The following PCDHGA1 variants were observed in gnomAD, a reference collection of about 807,000 sequenced individuals.
PCDHGA1 encodes protocadherin gamma subfamily A, 1.
A neutral mutation model predicts 58.0 loss-of-function variants in PCDHGA1; 32 were observed. The observed-to-expected ratio is 0.55, with a 90% CI of 0.42 to 0.74. The LOEUF (loss-of-function observed/expected upper bound fraction) is 0.74, where lower values mean the gene tolerates loss of function less well. Among genes scored for constraint, PCDHGA1 ranks in the 30% least tolerant of loss-of-function variants. PCDHGA1 has a pLI of 0.00. For missense variants in PCDHGA1, 1,205 were observed against 1,182.3 expected (o/e 1.02, Z -0.28); for synonymous variants, 498 against 501.1 (o/e 0.99, Z 0.08).
intron 1 of PCDHGA1, chr5:141,384,775 G>T (rs1392115505): frequency 1.9e-6 from 3 of 1,613,792 alleles, no homozygotes; most frequent in African/African-American, 1.3e-5. Context: ...CACGGGCGAG[G>T]TGCGCACGGC....
chr5:141,469,394 G>A lies in PCDHGA1; in HGVS notation c.2422-25413G>A, dbSNP rs550152670. Among the ~76,000 whole-genome samples the A allele has an allele frequency of 2.5e-4, 38 of 152,198 alleles. 1 individual carries two copies. The highest frequency in any genetic ancestry group is 8.4e-4 in the African/African-American group (35 of 41,514). On this transcript the variant is annotated intron_variant, in intron 1 of 3. Coordinates refer to ENST00000517417, the MANE Select transcript of PCDHGA1 (RefSeq NM_018912.3). ...GATCGAGACCATCCTGGCCAACATG[G>A]TGAAACCCCGTTTCTACTAAAAATA...
intron 3 of PCDHGA1, 57 bp from the exon 4 acceptor site, chr5:141,510,890 A>G (rs1434557860): frequency 1.2e-5 from 20 of 1,612,748 alleles, no homozygotes; most frequent in South Asian, 3.3e-5. Context: ...GATATAAGAC[A>G]GTGACTGTTG....
rs375589575 is a variant in PCDHGA1 at position 141,332,348 on chromosome 5, A to G, written c.1664A>G (p.Gln555Arg). Reference sequence around the variant, plus strand: ...TCTCTCAGCCTATTCCTGCTGGACCAGAACGACAACGCGCCCGAGATCCTG... The same window carrying G: ...TCTCTCAGCCTATTCCTGCTGGACCGGAACGACAACGCGCCCGAGATCCTG... ...NVSLSLFLLDQNDNAPEILYP... is the reference protein window; with the variant it reads ...NVSLSLFLLDRNDNAPEILYP... The change falls in exon 1 of 4, where the codon CAG (glutamine) becomes CGG (arginine). Residue 555 changes from glutamine (Q) to arginine (R), a missense_variant. Gln to Arg is a conservative substitution (Grantham distance 43). Transcript: ENST00000517417. This position sits in a 1 kb window ranked among gnomAD's most constrained non-coding sequence, Gnocchi z 4.6. 1.8e-4 allele frequency: 291 copies of G among 1,614,212 alleles called. 4 individuals are homozygous for G. The South Asian group carries it at 3.0e-3, about 17-fold the overall frequency.
chr5:141,488,985 C>G lies in PCDHGA1; in HGVS notation c.2422-5822C>G, dbSNP rs574857958. On this transcript the variant is annotated intron_variant, in intron 1 of 3. Transcript: ENST00000517417. ...ACTTTTTGGCCAATCAGACTCAGAG[C>G]TGAGGTGGGAGATCTGCTCTTCCAG... The G allele has an allele frequency of 7.4e-6, 3 of 405,188 alleles. No homozygotes were observed. In the South Asian group the frequency reaches 2.4e-4, roughly 32 times the overall value. The allele number at this position is 405,188 out of a possible 1,614,324, so 25.1% of individuals were successfully genotyped here.
Position 141,485,210 on chromosome 5 carries a change from C to T in PCDHGA1, c.2422-9597C>T, listed in dbSNP as rs2099609472. 1.2e-6 allele frequency: 2 copies of T among 1,614,058 alleles called. No individual in the cohort carries two copies. The highest frequency in any genetic ancestry group is 1.3e-5 in the African/African-American group (1 of 75,046). ...GGTGAGAAGCTGGACAGAAATCTGG[C>T]GGTGGGCTACCCTTTTGTTCCTCTT... On this transcript the variant is annotated intron_variant, in intron 1 of 3. Coordinates refer to ENST00000517417, the MANE Select transcript of PCDHGA1 (RefSeq NM_018912.3). The surrounding 1 kb of genome is among the most constrained non-coding windows in gnomAD (Gnocchi z 5.7).
chr5:141,395,435 T>A, intron 1 of PCDHGA1: 1 of 680,384 alleles, frequency 1.5e-6, no homozygotes, highest in Non-Finnish European at 2.3e-6. Context: ...TTTAAACGAC[T>A]TGGAAAAGAT....
At chr5:141,389,751 G>A (rs755499740) in intron 1 of PCDHGA1, 1 of 1,612,800 alleles carries the variant, frequency 6.2e-7, no homozygotes, top group Non-Finnish European at 8.5e-7. Flanking sequence ...GCGCACGGGC[G>A]AAGTGCGCAC....
intron 1 of PCDHGA1, chr5:141,390,623 T>C (rs2092193421): frequency 3.8e-6 from 1 of 264,274 alleles, no homozygotes; most frequent in African/African-American, 2.3e-5. Flanking sequence ...TGTTGACTAA[T>C]ATATGATGAA....
chr5:141,395,181 T>C (rs758854683), intron 1 of PCDHGA1: 3 of 1,614,030 alleles, frequency 1.9e-6, no homozygotes, highest in Non-Finnish European at 2.5e-6. Context: ...GAAAAATGAT[T>C]CTTTGTTAAC....
In PCDHGA1 at chr5:141,415,739, G is replaced by GTTT. The variant is rs1561759437; in HGVS notation, c.2422-79068_2422-79067insTTT. 6 of 435,150 alleles carry GTTT rather than the reference G, an allele frequency of 1.4e-5. No individual in the cohort carries two copies. The African/African-American group carries it at 1.6e-4, about 12-fold the overall frequency. 27.0% of individuals were successfully genotyped at this position (435,150 alleles called of 1,614,324 possible). ...ATGAGTAGAATTTGATGTTTATTAAGGTTTTTTTTTTTTTTTTTTTTTTTT... is the reference window on the plus strand; with the variant it reads ...ATGAGTAGAATTTGATGTTTATTAAGTTTGTTTTTTTTTTTTTTTTTTTTTTTT... On this transcript the variant is annotated intron_variant, in intron 1 of 3. Transcript: ENST00000517417.
At chr5:141,387,320 A>C (rs1461293740) in intron 1 of PCDHGA1, among the ~76,000 whole-genome samples, 1 of 152,234 alleles carries the variant, frequency 6.6e-6, no homozygotes, top group East Asian at 1.9e-4. Flanking sequence ...ATGAGTAAGT[A>C]TGGAAAATTA....
In PCDHGA1 at chr5:141,388,120, C is replaced by G. The variant is rs945677635; in HGVS notation, c.2421+55015C>G. The G allele has an allele frequency of 2.8e-6, 4 of 1,422,500 alleles. No homozygotes were observed. The African/African-American group carries it at 5.8e-5, about 20-fold the overall frequency. 88.1% of individuals were successfully genotyped at this position (1,422,500 alleles called of 1,614,324 possible). On this transcript the variant is annotated intron_variant, in intron 1 of 3. Coordinates refer to ENST00000517417, the MANE Select transcript of PCDHGA1 (RefSeq NM_018912.3). ...GAGAAGCCTTACTTCACCGTGAGCG[C>G]AGAGAGCGGGGAGTTGCTTGTGAGC...
intron 1 of PCDHGA1, among the ~76,000 whole-genome samples, chr5:141,473,946 G>A (rs1399816546): frequency 6.6e-6 from 1 of 152,170 alleles, no homozygotes; most frequent in African/African-American, 2.4e-5. Context: ...GCTCAGGCCT[G>A]TAGTCCCATC....
intron 1 of PCDHGA1, chr5:141,442,367 T>C (rs1304138950): frequency 6.6e-6 from 1 of 152,282 alleles, no homozygotes; most frequent in Non-Finnish European, 1.5e-5. Flanking sequence ...TATGATGCCA[T>C]ATTCCTACCA....
Position 141,489,276 on chromosome 5 carries a change from A to G in PCDHGA1, c.2422-5531A>G. 6.4e-7 allele frequency: 1 copy of G among 1,556,122 alleles called. No homozygotes were observed. Among genetic ancestry groups the G allele is most frequent in the Non-Finnish European group, 8.7e-7 (1 of 1,151,562 alleles). On this transcript the variant is annotated intron_variant, in intron 1 of 3. Coordinates refer to ENST00000517417, the MANE Select transcript of PCDHGA1 (RefSeq NM_018912.3). The surrounding 1 kb of genome is among the most constrained non-coding windows in gnomAD (Gnocchi z 4.5). ...AGACACTCCCACAGCTCGCTGGGAA[A>G]TGGCAAGTGCTGTGCATGTTGTCCT...
chr5:141,355,111 C>T, intron 1 of PCDHGA1: 1 of 1,508,846 alleles, frequency 6.6e-7, no homozygotes, highest in Non-Finnish European at 8.8e-7. Flanking sequence ...GCTGTGAATG[C>T]ACTTTATTTT....
intron 1 of PCDHGA1, chr5:141,390,890 G>C (rs1043821773): frequency 5.2e-5 from 8 of 152,592 alleles, no homozygotes; most frequent in African/African-American, 1.9e-4. Flanking sequence ...GTGTGTGTGA[G>C]AGAGATCCTT....
chr5:141,362,335 A>C (rs371396469), intron 1 of PCDHGA1: 1 of 1,613,940 alleles, frequency 6.2e-7, no homozygotes, highest in Non-Finnish European at 8.5e-7. Context: ...TCTCAGCTCC[A>C]AGCCTGGACC....
At chr5:141,370,379 A>G in intron 1 of PCDHGA1, 2 of 1,529,484 alleles carry the variant, frequency 1.3e-6, no homozygotes, top group Non-Finnish European at 1.8e-6. Flanking sequence ...AGAAAGGCAA[A>G]GGCGCAGAGA....
Sources: allele counts gnomAD v4.1 joint callset (sites outside exome capture counted in the v4.1 genomes callset), GRCh38; gene constraint gnomAD v4.1.1; non-coding constraint Gnocchi (gnomAD v3.1); transcripts MANE v1.5; gene names NCBI Gene and HGNC (gene_info 2026-07-23, HGNC 2026-07-21).